Variants in THOC1 observed in about 807,000 individuals in gnomAD.
The protein encoded by THOC1 is THO complex 1.
In THOC1, 29 loss-of-function variants were observed where a neutral mutation model predicts 97.3. The ratio of observed to expected loss-of-function variants is 0.30; its 90% CI spans 0.22 to 0.41. The LOEUF is 0.41. THOC1 is among the 10% of genes least tolerant of loss of function. The pLI, the probability that THOC1 is intolerant of heterozygous loss-of-function variation, is 1.00. For synonymous variants in THOC1, 255 were observed against 257.0 expected (o/e 0.99, Z 0.07); for missense variants, 529 against 761.9 (o/e 0.69, Z 3.60).
chr18:238,395 A>G (rs1911782764), intron 11 of THOC1, among the ~76,000 whole-genome samples: 1 of 152,162 alleles, frequency 6.6e-6, no homozygotes, highest in East Asian at 1.9e-4. Context: ...CTGTACTAAT[A>G]ATGTGTTGCT....
chr18:236,136 G>A (rs1417145589), intron 11 of THOC1, among the ~76,000 whole-genome samples: 1 of 151,870 alleles, frequency 6.6e-6, no homozygotes, highest in African/African-American at 2.4e-5. Context: ...TATTAGCCTG[G>A]TATGTCTCTT....
chr18:240,529 A>G (rs922533442), intron 11 of THOC1, among the ~76,000 whole-genome samples: 1 of 152,210 alleles, frequency 6.6e-6, no homozygotes, highest in Non-Finnish European at 1.5e-5. Context: ...TTACAAGTCA[A>G]TTTTACAATC....
intron 5 of THOC1, chr18:259,972 T>C (rs986309030): frequency 2.1e-5 from 11 of 522,298 alleles, no homozygotes; most frequent in Non-Finnish European, 3.3e-5. Context: ...TTAATTTTTA[T>C]TACACAAATT....
At chr18:220,464 T>TAC (rs1911039152) in intron 17 of THOC1, among the ~76,000 whole-genome samples, 1 of 152,322 alleles carries the variant, frequency 6.6e-6, no homozygotes, top group African/African-American at 2.4e-5. Context: ...TCAACACACC[T>TAC]ACTAGTGGGG....
At chr18:223,979 C>A in intron 16 of THOC1, 105 bp downstream of exon 16, 1 of 861,494 alleles carries the variant, frequency 1.2e-6, no homozygotes, top group African/African-American at 1.7e-5. Context: ...TATGTGTGTA[C>A]CAAACACAAT....
intron 11 of THOC1, among the ~76,000 whole-genome samples, chr18:238,994 G>A (rs1911805252): frequency 6.6e-6 from 1 of 152,040 alleles, no homozygotes; most frequent in South Asian, 2.1e-4. Context: ...CCTTTAAAAG[G>A]CTAAAATGAA....
intron 8 of THOC1, among the ~76,000 whole-genome samples, chr18:253,636 C>T (rs1912348795): frequency 6.6e-6 from 1 of 151,970 alleles, no homozygotes; most frequent in South Asian, 2.1e-4. Context: ...AAAAATAACC[C>T]AATGTTTAAA....
intron 1 of THOC1, among the ~76,000 whole-genome samples, chr18:267,561 A>ATCT (rs1477749933): frequency 6.6e-6 from 1 of 152,202 alleles, no homozygotes; most frequent in Non-Finnish European, 1.5e-5. Flanking sequence ...GTAGCTCAGA[A>ATCT]GGCTAGGGCG....
At chr18:224,058 T>A in intron 16 of THOC1, 26 bp downstream of exon 16, 2 of 1,426,024 alleles carry the variant, frequency 1.4e-6, no homozygotes, top group South Asian at 2.4e-5. Flanking sequence ...ACTAAGAACA[T>A]CCCACATGAA....
chr18:222,393 CA>C (rs1387844352), intron 17 of THOC1, among the ~76,000 whole-genome samples: 1 of 152,170 alleles, frequency 6.6e-6, no homozygotes, highest in Non-Finnish European at 1.5e-5. Flanking sequence ...GATAATTTCT[CA>C]TAGTTTTAGT....
chr18:246,994 T>A (rs896964775), intron 10 of THOC1, among the ~76,000 whole-genome samples: 12 of 151,970 alleles, frequency 7.9e-5, no homozygotes, highest in Non-Finnish European at 1.5e-4. Context: ...GGAACATTTT[T>A]AAGAGTGTAC....
intron 17 of THOC1, among the ~76,000 whole-genome samples, chr18:222,372 T>C (rs1282952186): frequency 2.6e-5 from 4 of 152,212 alleles, no homozygotes; most frequent in African/African-American, 9.6e-5. Flanking sequence ...GCTTTTTTAC[T>C]GGGGACTGTT....
chr18:234,962 G>C (rs1911622462), intron 11 of THOC1, among the ~76,000 whole-genome samples: 1 of 151,962 alleles, frequency 6.6e-6, no homozygotes, highest in Non-Finnish European at 1.5e-5. Context: ...ATTTATGGTA[G>C]AAATTATTTA....
rs2143142614 is a variant in THOC1, at chr18:218,874, G to A, written c.1454+12C>T. The A allele has an allele frequency of 6.3e-7, 1 of 1,578,648 alleles. No homozygotes were observed. Among genetic ancestry groups the A allele is most frequent in the Non-Finnish European group, 8.6e-7 (1 of 1,158,320 alleles). On this transcript the variant is annotated intron_variant, in intron 18 of 20. Coordinates refer to ENST00000261600, the MANE Select transcript of THOC1 (RefSeq NM_005131.3). ...AAGAAAATTAAAAGGAGCTAATGAG[G>A]AGCATACTTACTTATATTCATTTTC...
At chr18:246,909 T>C (rs776949460) in intron 10 of THOC1, among the ~76,000 whole-genome samples, 77 of 99,354 alleles carry the variant, frequency 7.8e-4, no homozygotes, top group Middle Eastern at 0.011. Context: ...CCTGGGAGGC[T>C]CCGTCTCAAA....
intron 7 of THOC1, among the ~76,000 whole-genome samples, chr18:256,269 G>C (rs1912432932): frequency 6.6e-6 from 1 of 152,184 alleles, no homozygotes; most frequent in African/African-American, 2.4e-5. Context: ...TACAAATCTA[G>C]ATGCCATAAA....
intron 7 of THOC1, among the ~76,000 whole-genome samples, chr18:256,667 C>T (rs1028061215): frequency 1.3e-5 from 2 of 152,032 alleles, no homozygotes; most frequent in African/African-American, 2.4e-5. Flanking sequence ...GGTGCGATCT[C>T]GGCTTATTTT....
chr18:232,471 T>A (rs183746958), intron 11 of THOC1, among the ~76,000 whole-genome samples: 11 of 151,966 alleles, frequency 7.2e-5, no homozygotes, highest in African/African-American at 2.4e-4. Flanking sequence ...CAGTGCTTTA[T>A]AGAACTGTCA....
At chr18:252,293 CA>C (rs1429135420) in intron 9 of THOC1, among the ~76,000 whole-genome samples, 2 of 152,120 alleles carry the variant, frequency 1.3e-5, no homozygotes, top group Non-Finnish European at 2.9e-5. Context: ...GTTGGCTTTT[CA>C]AATGCTGGGA....
Sources: allele counts gnomAD v4.1 joint callset (sites outside exome capture counted in the v4.1 genomes callset), GRCh38; gene constraint gnomAD v4.1.1; transcripts MANE v1.5; gene names NCBI Gene and HGNC (gene_info 2026-07-23, HGNC 2026-07-21).